Variants in INSYN2A observed in about 807,000 individuals in gnomAD.
INSYN2A encodes family with sequence similarity 196 member A.
Under a neutral mutation model 39.4 loss-of-function variants are expected in INSYN2A, and 17 were observed. That is an observed-to-expected ratio of 0.43 (90% CI 0.30 to 0.65). The LOEUF (loss-of-function observed/expected upper bound fraction) is 0.65, where lower values mean the gene tolerates loss of function less well. Among genes scored for constraint, INSYN2A ranks in the 30% least tolerant of loss-of-function variants. The pLI, the probability that INSYN2A is intolerant of heterozygous loss-of-function variation, is 0.14. For missense variants in INSYN2A, 595 were observed against 631.2 expected (o/e 0.94, Z 0.61); for synonymous variants, 255 against 265.7 (o/e 0.96, Z 0.39).
intron 2 of INSYN2A, among the ~76,000 whole-genome samples, chr10:127,188,476 C>T (rs2056476503): frequency 6.6e-6 from 1 of 152,172 alleles, no homozygotes; most frequent in South Asian, 2.1e-4. Flanking sequence ...CTCTTTTCAA[C>T]CATGGATCTG....
chr10:127,147,476 C>A (rs182733647), intron 5 of INSYN2A, among the ~76,000 whole-genome samples: 3 of 152,148 alleles, frequency 2.0e-5, no homozygotes, highest in Non-Finnish European at 4.4e-5. Context: ...CTGCCTTTTA[C>A]GTCCTTGCAC....
At chr10:127,162,656 CA>C (rs1182270295) in intron 4 of INSYN2A, among the ~76,000 whole-genome samples, 1 of 152,170 alleles carries the variant, frequency 6.6e-6, no homozygotes, top group African/African-American at 2.4e-5. Context: ...CATGTGGTCT[CA>C]TTTAACATGT....
chr10:127,151,692 C>G (rs549144989), intron 5 of INSYN2A, among the ~76,000 whole-genome samples: 1 of 152,178 alleles, frequency 6.6e-6, no homozygotes, highest in Non-Finnish European at 1.5e-5. Context: ...ATTTTCCCTG[C>G]TCGTATGAGA....
intron 5 of INSYN2A, among the ~76,000 whole-genome samples, chr10:127,144,963 CATT>C (rs149158539): frequency 0.043 from 6,490 of 152,208 alleles, 355 homozygotes; most frequent in African/African-American, 0.13. Flanking sequence ...TTTAAAAAAG[CATT>C]AGCCAGATAT....
intron 5 of INSYN2A, among the ~76,000 whole-genome samples, chr10:127,143,122 A>C (rs1263569634): frequency 1.3e-5 from 2 of 152,196 alleles, no homozygotes; most frequent in African/African-American, 4.8e-5. Context: ...GCCCTGCCAC[A>C]GTTTCTTTAG....
At chr10:127,163,108 C>T (rs935969803) in intron 4 of INSYN2A, among the ~76,000 whole-genome samples, 16 of 152,190 alleles carry the variant, frequency 1.1e-4, no homozygotes, top group Non-Finnish European at 1.9e-4. Context: ...TCTTGCAGAC[C>T]ATGCCACTGT....
chr10:127,189,993 C>G (rs1260481263), intron 2 of INSYN2A, among the ~76,000 whole-genome samples: 2 of 152,164 alleles, frequency 1.3e-5, no homozygotes, highest in Non-Finnish European at 2.9e-5. Flanking sequence ...GATGAACTCT[C>G]CAGTTTTTTT....
chr10:127,196,540 CCG>C lies in INSYN2A; in HGVS notation c.-940_-939del, dbSNP rs1360254024. 1.4e-4 allele frequency among the ~76,000 whole-genome samples: 20 copies of C among 147,574 alleles called. No individual in the cohort carries two copies. The highest frequency in any genetic ancestry group is 6.7e-5 in the Admixed American group (1 of 14,866). The stretch of plus-strand genomic sequence containing the variant: ...CGGCCAGAGGCGAGGGCGCCCCAAG[CCG>C]CGCGCCTGCCGCCTGTGCGCCCGGC... On this transcript the variant is annotated 5_prime_UTR_variant, in exon 1 of 6. Coordinates refer to ENST00000522781, the MANE Select transcript of INSYN2A (RefSeq NM_001039762.3).
chr10:127,175,065 C>A lies in INSYN2A; in HGVS notation c.1184+147G>T. ...CTAGTATCATAAAATAATCTGCGAC[C>A]CCTTGGAGCTCGCCACGCCCTTAGA... On this transcript the variant is annotated intron_variant, in intron 4 of 5. Transcript: ENST00000522781. The surrounding 1 kb of genome is among the most constrained non-coding windows in gnomAD (Gnocchi z 6.3). 1.5e-6 allele frequency: 1 copy of A among 683,758 alleles called. No homozygotes were observed. Among genetic ancestry groups the A allele is most frequent in the Non-Finnish European group, 2.6e-6 (1 of 390,032 alleles). 42.4% of individuals were successfully genotyped at this position (683,758 alleles called of 1,614,324 possible).
intron 2 of INSYN2A, among the ~76,000 whole-genome samples, chr10:127,183,210 C>T (rs1223705525): frequency 6.6e-6 from 1 of 151,662 alleles, no homozygotes; most frequent in Non-Finnish European, 1.5e-5. Flanking sequence ...TGACACTTCC[C>T]AGTCTTATTT....
At chr10:127,168,687 A>G (rs1020029108) in intron 4 of INSYN2A, among the ~76,000 whole-genome samples, 1 of 152,230 alleles carries the variant, frequency 6.6e-6, no homozygotes, top group Non-Finnish European at 1.5e-5. Flanking sequence ...TAGAGAGTGC[A>G]TAGCCAAATT....
intron 5 of INSYN2A, among the ~76,000 whole-genome samples, chr10:127,145,247 C>T (rs2051693728): frequency 1.3e-5 from 2 of 152,092 alleles, no homozygotes; most frequent in South Asian, 4.2e-4. Flanking sequence ...CACCGAGGAG[C>T]AGAGGCAGAC....
At chr10:127,159,798 A>G (rs1012127830) in intron 4 of INSYN2A, among the ~76,000 whole-genome samples, 2 of 152,120 alleles carry the variant, frequency 1.3e-5, no homozygotes, top group Non-Finnish European at 2.9e-5. Context: ...CACTGCAGGA[A>G]TGATAAAGGA....
At chr10:127,156,126 T>C (rs2053019266) in intron 4 of INSYN2A, among the ~76,000 whole-genome samples, 1 of 152,236 alleles carries the variant, frequency 6.6e-6, no homozygotes, top group Non-Finnish European at 1.5e-5. Context: ...AGAACCTTCC[T>C]GCCCTAAACC....
intron 5 of INSYN2A, among the ~76,000 whole-genome samples, chr10:127,143,677 C>T (rs1267383019): frequency 6.6e-6 from 1 of 152,152 alleles, no homozygotes; most frequent in Non-Finnish European, 1.5e-5. Context: ...ATGGGCAACA[C>T]CAGCATTGTC....
chr10:127,196,344 C>T lies in INSYN2A; in HGVS notation c.-742G>A, dbSNP rs1288178062. Among the ~76,000 whole-genome samples the T allele has an allele frequency of 6.7e-6, 1 of 148,708 alleles. No individual in the cohort carries two copies. Among genetic ancestry groups the T allele is most frequent in the East Asian group, 2.0e-4 (1 of 5,092 alleles). ...GCGCGCTCGCTTGCTCGCGACGCGG[C>T]GGAGCCAGCCACAGCCACCCGGCTT... On this transcript the variant is annotated 5_prime_UTR_variant, in exon 1 of 6. Coordinates refer to ENST00000522781, the MANE Select transcript of INSYN2A (RefSeq NM_001039762.3).
chr10:127,163,780 G>A (rs2053803946), intron 4 of INSYN2A, among the ~76,000 whole-genome samples: 2 of 150,312 alleles, frequency 1.3e-5, no homozygotes, highest in Admixed American at 1.3e-4. Flanking sequence ...GCCCACTTCC[G>A]TGTCTGGATA....
At position 127,136,907 on chromosome 10, in the gene INSYN2A, G is replaced by A. The variant is rs1030624681; in HGVS notation, c.*930C>T. On this transcript the variant is annotated 3_prime_UTR_variant, in exon 6 of 6. Transcript: ENST00000522781. ...TTACCATGGCTAACAGTGTCTCGGA[G>A]GATCGATCCACAAAAACACTGTCTG... 6.6e-6 allele frequency: 1 copy of A among 152,566 alleles called. No homozygotes were observed. Among genetic ancestry groups the A allele is most frequent in the Non-Finnish European group, 1.5e-5 (1 of 68,024 alleles). The allele number at this position is 152,566 out of a possible 1,614,324, so 9.5% of individuals were successfully genotyped here.
intron 4 of INSYN2A, among the ~76,000 whole-genome samples, chr10:127,162,685 A>G (rs921984054): frequency 7.2e-5 from 11 of 152,150 alleles, no homozygotes; most frequent in African/African-American, 2.7e-4. Flanking sequence ...ATTTTCAACA[A>G]GCCTAGTTAT....
Sources: allele counts gnomAD v4.1 joint callset (sites outside exome capture counted in the v4.1 genomes callset), GRCh38; gene constraint gnomAD v4.1.1; non-coding constraint Gnocchi (gnomAD v3.1); transcripts MANE v1.5; gene names NCBI Gene and HGNC (gene_info 2026-07-23, HGNC 2026-07-21).